The following SEC14L1 variants were observed in gnomAD, a reference collection of about 807,000 sequenced individuals.
SEC14L1 encodes the protein SEC14 like lipid binding 1.
Under a neutral mutation model 85.3 loss-of-function variants are expected in SEC14L1, and 48 were observed. The ratio of observed to expected loss-of-function variants is 0.56; its 90% CI spans 0.45 to 0.72. The LOEUF is 0.72. Among genes scored for constraint, SEC14L1 ranks in the 30% least tolerant of loss-of-function variants. The pLI is 0.00. For missense variants in SEC14L1, 682 were observed against 921.4 expected, an observed-to-expected ratio of 0.74 and a Z score of 3.36; for synonymous variants, 391 against 355.5, an observed-to-expected ratio of 1.10 and a Z score of -1.12.
chr17:77,180,232 T>G (rs1974969275), intron 3 of SEC14L1, among the ~76,000 whole-genome samples: 1 of 150,604 alleles, frequency 6.6e-6, no homozygotes, highest in African/African-American at 2.5e-5. Flanking sequence ...ACCTCTCGAG[T>G]AGCTGGGACT....
chr17:77,203,552 C>A lies in SEC14L1; in HGVS notation c.1010-18C>A. ...ACTGGGATGGTGCTGACAACTCATTCCTTCCCCTCCTCTGCAGATGGGCGG... is the reference window on the plus strand; with the variant it reads ...ACTGGGATGGTGCTGACAACTCATTACTTCCCCTCCTCTGCAGATGGGCGG... On this transcript the variant is annotated intron_variant, in intron 9 of 16. Coordinates refer to ENST00000436233, the MANE Select transcript of SEC14L1 (RefSeq NM_001143998.2). The A allele has an allele frequency of 6.2e-7, 1 of 1,609,558 alleles. No homozygotes were observed. Among genetic ancestry groups the A allele is most frequent in the Non-Finnish European group, 8.5e-7 (1 of 1,176,348 alleles).
chr17:77,206,077 G>C lies in SEC14L1; in HGVS notation c.1170-152G>C, dbSNP rs772810346. On this transcript the variant is annotated intron_variant, in intron 11 of 16. Transcript: ENST00000436233. This position sits in a 1 kb window ranked among gnomAD's most constrained non-coding sequence, Gnocchi z 4.3. ...GTTTTGTACAAGTAGATATAAACAGGGTTCATAGCACTATACATAGCACTA... is the reference window on the plus strand; with the variant it reads ...GTTTTGTACAAGTAGATATAAACAGCGTTCATAGCACTATACATAGCACTA... The C allele has an allele frequency of 1.5e-6, 1 of 683,832 alleles. No homozygotes were observed. Among genetic ancestry groups the C allele is most frequent in the Non-Finnish European group, 2.4e-6 (1 of 422,090 alleles). The allele number at this position is 683,832 out of a possible 1,614,324, so 42.4% of individuals were successfully genotyped here.
chr17:77,212,202 G>A lies in SEC14L1; in HGVS notation c.1863+1G>A. On this transcript the variant is annotated splice_donor_variant, in intron 15 of 16. Transcript: ENST00000436233. LOFTEE classifies it high-confidence loss of function. ...CTGCAAAGAAGGAGAAAGCGTGCAG[G>A]TAAAATCACACACAGGTCAAATCGC... The A allele has an allele frequency of 4.3e-6, 7 of 1,613,106 alleles. No homozygotes were observed. The highest frequency in any genetic ancestry group is 5.9e-6 in the Non-Finnish European group (7 of 1,179,744).
At chr17:77,150,695 G>A (rs1973515990) in intron 3 of SEC14L1, among the ~76,000 whole-genome samples, 1 of 152,210 alleles carries the variant, frequency 6.6e-6, no homozygotes, top group Non-Finnish European at 1.5e-5. Context: ...ATGTTGGGCA[G>A]CTGTGCCCAT....
rs760636719 is a variant in SEC14L1, at chr17:77,143,676, T to G, written c.63+17T>G. 1.9e-6 allele frequency: 3 copies of G among 1,561,582 alleles called. No individual in the cohort carries two copies. The East Asian group carries it at 6.7e-5, about 35-fold the overall frequency. ...ATTATGGCTGTAAGTACTTGACATT[T>G]CAATTTACTCTTTGGCTTCTTATTT... is the stretch of plus-strand genomic sequence containing the variant. On this transcript the variant is annotated intron_variant, in intron 3 of 16. Transcript: ENST00000436233.
chr17:77,123,874 T>C (rs1209171618), intron 3 of SEC14L1, among the ~76,000 whole-genome samples: 1 of 152,212 alleles, frequency 6.6e-6, no homozygotes, highest in Admixed American at 6.5e-5. Flanking sequence ...ACGGATGCCA[T>C]GTAGACGGTC....
At chr17:77,207,782 G>A (rs1344781716) in intron 13 of SEC14L1, among the ~76,000 whole-genome samples, 1 of 152,180 alleles carries the variant, frequency 6.6e-6, no homozygotes, top group African/African-American at 2.4e-5. Context: ...AAAAAACGAA[G>A]GGAAGTGGTT....
At chr17:77,193,292 C>T in intron 5 of SEC14L1, 129 bp from the exon 6 acceptor site, 3 of 797,612 alleles carry the variant, frequency 3.8e-6, no homozygotes, top group Middle Eastern at 4.2e-4. Context: ...TTTCCATCTG[C>T]TGTCTTTATG....
chr17:77,112,701 C>T (rs571039629), intron 3 of SEC14L1, among the ~76,000 whole-genome samples: 16 of 151,706 alleles, frequency 1.1e-4, no homozygotes, highest in African/African-American at 2.4e-4. Context: ...CTGGCTAACA[C>T]GGTGAAACCC....
intron 3 of SEC14L1, among the ~76,000 whole-genome samples, chr17:77,096,015 G>C (rs1971633340): frequency 6.7e-6 from 1 of 150,142 alleles, no homozygotes; most frequent in Admixed American, 6.7e-5. Flanking sequence ...GGCCTTGGCT[G>C]TCTCCTGCTG....
chr17:77,090,808 G>A, intron 2 of SEC14L1, among the ~76,000 whole-genome samples: 1 of 152,024 alleles, frequency 6.6e-6, no homozygotes. Flanking sequence ...TGGGTAACAC[G>A]AGACCTTGTC....
At chr17:77,164,508 T>A (rs1207933754) in intron 3 of SEC14L1, among the ~76,000 whole-genome samples, 1 of 152,212 alleles carries the variant, frequency 6.6e-6, no homozygotes, top group Non-Finnish European at 1.5e-5. Context: ...GTGGCTTTCC[T>A]TCTGTTTGCT....
intron 3 of SEC14L1, among the ~76,000 whole-genome samples, chr17:77,155,742 T>C (rs1567898564): frequency 2.6e-5 from 4 of 152,210 alleles, no homozygotes; most frequent in African/African-American, 7.2e-5. Flanking sequence ...TATTTATTTA[T>C]TTAATTTTTT....
chr17:77,199,660 G>C (rs1243294977), intron 8 of SEC14L1: 1 of 152,194 alleles, frequency 6.6e-6, no homozygotes, highest in East Asian at 1.9e-4. Flanking sequence ...AAAAGTGCAA[G>C]GATCATAGTC....
At chr17:77,209,848 C>CTTT in intron 14 of SEC14L1, 3 of 157,730 alleles carry the variant, frequency 1.9e-5, no homozygotes, top group South Asian at 1.6e-4. Flanking sequence ...GCTACTTTTT[C>CTTT]TTTTTTTTTT....
intron 3 of SEC14L1, among the ~76,000 whole-genome samples, chr17:77,152,051 C>T (rs1162153075): frequency 6.6e-6 from 1 of 152,208 alleles, no homozygotes; most frequent in Non-Finnish European, 1.5e-5. Flanking sequence ...TTATAGCTCA[C>T]TGCAGCCTCG....
chr17:77,177,812 T>A (rs2143720441), intron 3 of SEC14L1, among the ~76,000 whole-genome samples: 1 of 152,326 alleles, frequency 6.6e-6, no homozygotes. Context: ...GAAGCTGTAA[T>A]CCTCTGCTGG....
chr17:77,111,939 G>A (rs561546568), intron 3 of SEC14L1, among the ~76,000 whole-genome samples: 3 of 152,274 alleles, frequency 2.0e-5, no homozygotes, highest in African/African-American at 7.2e-5. Context: ...GCCAGGGGCA[G>A]AATGATACAG....
intron 3 of SEC14L1, among the ~76,000 whole-genome samples, chr17:77,115,639 A>C (rs898552394): frequency 5.9e-5 from 9 of 152,074 alleles, no homozygotes; most frequent in Non-Finnish European, 8.8e-5. Context: ...GCCCCCTCCA[A>C]GAGAAGGGAT....
Sources: allele counts gnomAD v4.1 joint callset (sites outside exome capture counted in the v4.1 genomes callset), GRCh38; gene constraint gnomAD v4.1.1; non-coding constraint Gnocchi (gnomAD v3.1); transcripts MANE v1.5; gene names NCBI Gene and HGNC (gene_info 2026-07-23, HGNC 2026-07-21).